TRAPPC9: variants seen among roughly 807,000 people sequenced by gnomAD.
TRAPPC9 encodes trafficking protein particle complex subunit 9.
Under a neutral mutation model 124.0 loss-of-function variants are expected in TRAPPC9, and 83 were observed. That is an observed-to-expected ratio of 0.67 (90% CI 0.56 to 0.80). TRAPPC9 has a LOEUF of 0.80. Ranked by LOEUF, TRAPPC9 falls within the 30% of genes least tolerant of loss-of-function variation. The probability of loss-of-function intolerance (pLI) is 0.00; values close to 1 mark genes in which losing one functional copy is unlikely to be tolerated. For missense variants in TRAPPC9, 1,302 were observed against 1,508.3 expected, an observed-to-expected ratio of 0.86 and a Z score of 2.27; for synonymous variants, 638 against 617.5, an observed-to-expected ratio of 1.03 and a Z score of -0.49.
intron 21 of TRAPPC9, among the ~76,000 whole-genome samples, chr8:139,844,378 G>A (rs770733152): frequency 3.3e-5 from 5 of 152,234 alleles, no homozygotes; most frequent in Non-Finnish European, 7.3e-5. Context: ...CTCCCCACAT[G>A]AAATAATTGG....
intron 21 of TRAPPC9, among the ~76,000 whole-genome samples, chr8:139,882,680 G>C (rs890535813): frequency 3.9e-5 from 6 of 152,192 alleles, no homozygotes; most frequent in African/African-American, 1.4e-4. Flanking sequence ...GAGGAGACAG[G>C]TGCGGGTCTC....
At chr8:139,889,589 G>A (rs1015101983) in intron 20 of TRAPPC9, among the ~76,000 whole-genome samples, 1 of 152,184 alleles carries the variant, frequency 6.6e-6, no homozygotes, top group Admixed American at 6.5e-5. Flanking sequence ...ATGATAATTT[G>A]AAAATGTTTC....
At chr8:140,326,872 C>G (rs1385108927) in intron 9 of TRAPPC9, among the ~76,000 whole-genome samples, 2 of 152,102 alleles carry the variant, frequency 1.3e-5, no homozygotes, top group East Asian at 3.9e-4. Flanking sequence ...CAGAGCGAGA[C>G]CCTGTCTCAA....
chr8:140,371,254 G>T, intron 7 of TRAPPC9, 74 bp from the exon 8 acceptor site: 2 of 1,387,612 alleles, frequency 1.4e-6, no homozygotes, highest in Non-Finnish European at 9.9e-7. Context: ...CATTAAAAAT[G>T]TCTCTTCATA....
chr8:140,348,071 A>C lies in TRAPPC9; in HGVS notation c.1495+11979T>G, dbSNP rs181973758. 2.0e-5 allele frequency among the ~76,000 whole-genome samples: 3 copies of C among 152,362 alleles called. No individual in the cohort carries two copies. The East Asian group carries it at 5.8e-4, about 29-fold the overall frequency. On this transcript the variant is annotated intron_variant, in intron 9 of 22. Coordinates refer to ENST00000438773, the MANE Select transcript of TRAPPC9 (RefSeq NM_001160372.4). ...AGGGCATTCACTCAGATGACAACTG[A>C]ACAAAAATGTCAGTCAAAGGTGCCA...
chr8:140,410,873 A>G (rs1440571031), intron 5 of TRAPPC9, among the ~76,000 whole-genome samples: 2 of 151,910 alleles, frequency 1.3e-5, no homozygotes, highest in Non-Finnish European at 2.9e-5. Flanking sequence ...ATTTAGAAAT[A>G]TAAAACAGCA....
At chr8:140,268,146 A>G (rs2064747270) in intron 15 of TRAPPC9, among the ~76,000 whole-genome samples, 1 of 94,950 alleles carries the variant, frequency 1.1e-5, no homozygotes, top group African/African-American at 5.0e-5. Flanking sequence ...TAACTTAAAA[A>G]TAAAAATCAA....
In TRAPPC9 at chr8:139,868,078, G is replaced by A. The variant is rs528741755; in HGVS notation, c.3055+17801C>T. On this transcript the variant is annotated intron_variant, in intron 21 of 22. Transcript: ENST00000438773. ...AACCACATATTCTAAAATGGTTCAG[G>A]CTGGGAGCAGTGGTTCATGCCTGTA... Among the ~76,000 whole-genome samples, 153 of 152,338 alleles carry A rather than the reference G, an allele frequency of 1.0e-3. 1 individual carries two copies. In the South Asian group the frequency reaches 0.029, roughly 29 times the overall value.
At chr8:139,950,693 T>C (rs56331986) in intron 19 of TRAPPC9, among the ~76,000 whole-genome samples, 1,569 of 152,256 alleles carry the variant, frequency 0.01, 31 homozygotes, top group African/African-American at 0.035. Flanking sequence ...ATCAGACCTT[T>C]CCCAAATCAC....
At chr8:140,231,341 G>T (rs1305097581) in intron 16 of TRAPPC9, among the ~76,000 whole-genome samples, 2 of 152,098 alleles carry the variant, frequency 1.3e-5, no homozygotes, top group Admixed American at 1.3e-4. Flanking sequence ...GGACATGAAT[G>T]AATGACTTTG....
intron 9 of TRAPPC9, among the ~76,000 whole-genome samples, chr8:140,328,243 A>G (rs1304531799): frequency 6.6e-6 from 1 of 152,208 alleles, no homozygotes; most frequent in Non-Finnish European, 1.5e-5. Context: ...CGAAAGAGCG[A>G]AAGTCCGTCT....
chr8:140,095,483 G>A (rs1844874364), intron 17 of TRAPPC9: 1 of 152,082 alleles, frequency 6.6e-6, no homozygotes, highest in Admixed American at 6.5e-5. Context: ...AGAGGAGTGA[G>A]AAACACGCAA....
At chr8:139,731,915 G>T in intron 22 of TRAPPC9, 64 bp downstream of exon 22, 1 of 1,463,896 alleles carries the variant, frequency 6.8e-7, no homozygotes. Flanking sequence ...CCACCACCCA[G>T]GGAAGGGGGG....
At chr8:140,071,485 C>T (rs78206265) in intron 17 of TRAPPC9, among the ~76,000 whole-genome samples, 2,529 of 152,278 alleles carry the variant, frequency 0.017, 65 homozygotes, top group African/African-American at 0.057. Flanking sequence ...GCAGTCTCCC[C>T]CTTAGAAAGC....
intron 21 of TRAPPC9, among the ~76,000 whole-genome samples, chr8:139,832,023 C>T (rs1288962648): frequency 2.0e-5 from 3 of 152,156 alleles, no homozygotes; most frequent in Non-Finnish European, 4.4e-5. Flanking sequence ...TTCCTGCTTC[C>T]CCTCCCAAGG....
intron 21 of TRAPPC9, among the ~76,000 whole-genome samples, chr8:139,883,483 C>T (rs968445940): frequency 6.6e-6 from 1 of 152,264 alleles, no homozygotes; most frequent in Non-Finnish European, 1.5e-5. Context: ...CGGCAGGCAC[C>T]TCTGCCCACA....
chr8:139,893,737 T>C (rs1040185697), intron 20 of TRAPPC9, among the ~76,000 whole-genome samples: 1 of 152,224 alleles, frequency 6.6e-6, no homozygotes, highest in African/African-American at 2.4e-5. Flanking sequence ...CGATCTACTC[T>C]GGCACACCAG....
intron 20 of TRAPPC9, among the ~76,000 whole-genome samples, chr8:139,898,511 A>G (rs1319942203): frequency 6.6e-6 from 1 of 152,134 alleles, no homozygotes; most frequent in East Asian, 1.9e-4. Context: ...GTCCACCCAC[A>G]CAAGCTTGTG....
At chr8:140,280,409 T>C (rs369617997) in intron 14 of TRAPPC9, among the ~76,000 whole-genome samples, 3 of 152,198 alleles carry the variant, frequency 2.0e-5, no homozygotes, top group East Asian at 1.9e-4. Context: ...CTGATACCTA[T>C]TGTTTTTTTG....
Sources: gnomAD v4.1 joint callset for allele counts (sites outside exome capture counted in the v4.1 genomes callset) on GRCh38, gnomAD v4.1.1 for gene constraint, MANE v1.5 for transcripts, NCBI Gene and HGNC (gene_info 2026-07-23, HGNC 2026-07-21) for gene names.